ERCC2: variants seen among roughly 807,000 people sequenced by gnomAD.
ERCC2 encodes the protein general transcription and DNA repair factor IIH helicase subunit XPD.
Under a neutral mutation model 99.4 loss-of-function variants are expected in ERCC2, and 90 were observed. The ratio of observed to expected loss-of-function variants is 0.91; its 90% CI spans 0.76 to 1.08. The LOEUF is 1.08. ERCC2 is among the 50% of genes least tolerant of loss of function. The pLI is 0.00. For missense variants in ERCC2, 993 were observed against 1,038.1 expected (o/e 0.96, Z 0.60); for synonymous variants, 497 against 432.4 (o/e 1.15, Z -1.85).
rs934588717 is a variant in ERCC2, at chr19:45,349,873, G to C, written c.*1756C>G. On this transcript the variant is annotated 3_prime_UTR_variant, in exon 23 of 23. Transcript: ENST00000391945. ...GACATTTATTGAGCTCACTGTGGCC[G>C]GCTCCCCTCTTAGCCCGGTCCCCAC... is the stretch of plus-strand genomic sequence containing the variant. 2.0e-6 allele frequency: 1 copy of C among 490,128 alleles called. No homozygotes were observed. The highest frequency in any genetic ancestry group is 3.8e-5 in the Admixed American group (1 of 26,648). The allele number at this position is 490,128 out of a possible 1,614,324, so 30.4% of individuals were successfully genotyped here.
Position 45,349,933 on chromosome 19 carries a change from A to G in ERCC2, c.*1696T>C. On this transcript the variant is annotated 3_prime_UTR_variant, in exon 23 of 23. Coordinates refer to ENST00000391945, the MANE Select transcript of ERCC2 (RefSeq NM_000400.4). ...TCTTATAGCGTCCCTATGAGGTGGG[A>G]GCTGTCGCTCCACTTTGCGTGTGGG... 1 of 419,428 alleles carries G rather than the reference A, an allele frequency of 2.4e-6. No homozygotes were observed. Among genetic ancestry groups the G allele is most frequent in the East Asian group, 4.0e-5 (1 of 25,188 alleles). 26.0% of individuals were successfully genotyped at this position (419,428 alleles called of 1,614,324 possible).
intron 5 of ERCC2, among the ~76,000 whole-genome samples, chr19:45,366,121 C>A (rs1352165670): frequency 6.7e-6 from 1 of 148,976 alleles, no homozygotes; most frequent in Non-Finnish European, 1.5e-5. Context: ...ACAGGCTGAG[C>A]CACTGCGCCC....
intron 10 of ERCC2, 27 bp downstream of exon 10, chr19:45,363,959 G>GA (rs1555777979): frequency 3.4e-6 from 5 of 1,455,544 alleles, no homozygotes; most frequent in Admixed American, 2.3e-5. Flanking sequence ...GAAAGGGACT[G>GA]GGGGGCAGCG....
intron 12 of ERCC2, chr19:45,358,780 A>G (rs914155281): frequency 7.7e-6 from 6 of 774,688 alleles, no homozygotes; most frequent in East Asian, 7.3e-5. Context: ...GATAACTGTC[A>G]CTTTCTGGAA....
chr19:45,350,561 G>A lies in ERCC2; in HGVS notation c.*1068C>T. 6.2e-7 allele frequency: 1 copy of A among 1,613,948 alleles called. No individual in the cohort carries two copies. Among genetic ancestry groups the A allele is most frequent in the Non-Finnish European group, 8.5e-7 (1 of 1,179,980 alleles). ...TGGTGACGCAGAACAGGTGAGGATG[G>A]GCTGTGCTTCGGCTCCTGGGGTGGG... On this transcript the variant is annotated 3_prime_UTR_variant, in exon 23 of 23. Transcript: ENST00000391945.
intron 15 of ERCC2, 111 bp from the exon 16 acceptor site, chr19:45,355,839 GAGAC>G: frequency 1.2e-6 from 1 of 819,406 alleles, no homozygotes; most frequent in South Asian, 1.4e-5. Context: ...TTTTTAAAGA[GAGAC>G]AGGGTGTCAC....
intron 5 of ERCC2, among the ~76,000 whole-genome samples, chr19:45,368,016 C>T (rs911180103): frequency 5.9e-5 from 9 of 151,444 alleles, no homozygotes; most frequent in East Asian, 1.9e-4. Flanking sequence ...GCATTACCGA[C>T]GTGTACACCA....
intron 5 of ERCC2, among the ~76,000 whole-genome samples, chr19:45,365,412 C>T (rs959299455): frequency 2.6e-5 from 4 of 152,110 alleles, no homozygotes; most frequent in African/African-American, 7.2e-5. Context: ...GTCAGGAGTT[C>T]GAGACCAGCC....
At chr19:45,351,977 CCTCACCCCAACTTCT>C (rs1184349857) in intron 22 of ERCC2, among the ~76,000 whole-genome samples, 1 of 152,228 alleles carries the variant, frequency 6.6e-6, no homozygotes, top group Admixed American at 6.5e-5. Context: ...CCCAATGCCT[CCTCACCCCAACTTCT>C]CTCACCCTGC....
chr19:45,355,805 T>C, intron 15 of ERCC2, 77 bp from the exon 16 acceptor site: 3 of 1,052,814 alleles, frequency 2.8e-6, no homozygotes, highest in Non-Finnish European at 2.8e-6. Context: ...CTGCTGGTGC[T>C]GTTCTAAGCT....
chr19:45,357,232 C>T (rs1191859280), intron 15 of ERCC2, 38 bp downstream of exon 15: 8 of 1,505,296 alleles, frequency 5.3e-6, no homozygotes, highest in Non-Finnish European at 7.3e-6. Flanking sequence ...TTGCCCCCAT[C>T]TCCCCTCCCG....
At chr19:45,355,638 C>A in intron 16 of ERCC2, 27 bp downstream of exon 16, 1 of 1,609,260 alleles carries the variant, frequency 6.2e-7, no homozygotes, top group Non-Finnish European at 8.5e-7. Flanking sequence ...TTGGAACCCA[C>A]AGAAACCAGC....
rs79446543 is a variant in ERCC2 at position 45,365,183 on chromosome 19, C to A, written c.361-25G>T. ...CCTGGGGGTGTGGGGCATCTTAGCACCCAGACAGGGTGGAAACCCAACCAC... is the reference window on the plus strand; with the variant it reads ...CCTGGGGGTGTGGGGCATCTTAGCAACCAGACAGGGTGGAAACCCAACCAC... On this transcript the variant is annotated intron_variant, in intron 5 of 22. Transcript: ENST00000391945. 193 of 1,588,902 alleles carry A rather than the reference C, an allele frequency of 1.2e-4. No homozygotes were observed. In the African/African-American group the frequency reaches 2.2e-3, roughly 18 times the overall value.
At position 45,361,618 on chromosome 19, in the gene ERCC2, G is replaced by A; in HGVS notation, c.1143C>T (p.Ser381=). The A allele has an allele frequency of 6.2e-7, 1 of 1,613,884 alleles. No individual in the cohort carries two copies. Among genetic ancestry groups the A allele is most frequent in the Non-Finnish European group, 8.5e-7 (1 of 1,179,808 alleles). Residue 381 remains serine (S), a synonymous_variant, in exon 12 of 23, where the codon TCC becomes TCT. Coordinates refer to ENST00000391945, the MANE Select transcript of ERCC2 (RefSeq NM_000400.4). The stretch of plus-strand genomic sequence containing the variant: ...CGGTGATCTCCAGAGTATGCAGCAG[G>A]GACCGGAGGCGTTCAGCACAGAATC... ...PLRFCAERLR[S]LLHTLEITDL...
chr19:45,368,173 C>T (rs988985571), intron 5 of ERCC2, among the ~76,000 whole-genome samples: 2 of 152,168 alleles, frequency 1.3e-5, no homozygotes, highest in African/African-American at 2.4e-5. Context: ...TGCACCTGGC[C>T]TATCATGAGA....
chr19:45,351,729 G>A lies in ERCC2; in HGVS notation c.2191-8C>T. 1.2e-6 allele frequency: 2 copies of A among 1,613,484 alleles called. No homozygotes were observed. Among genetic ancestry groups the A allele is most frequent in the Non-Finnish European group, 8.5e-7 (1 of 1,179,798 alleles). On this transcript the variant is annotated splice_region_variant and splice_polypyrimidine_tract_variant and intron_variant, in intron 22 of 22. Transcript: ENST00000391945. ...CAGGCCCAGCTGATCCTCCTGCAGAGAACAGAGGAAAGGGAGAGGGGGGCA... is the reference window on the plus strand; with the variant it reads ...CAGGCCCAGCTGATCCTCCTGCAGAAAACAGAGGAAAGGGAGAGGGGGGCA...
intron 2 of ERCC2, among the ~76,000 whole-genome samples, 175 bp from the exon 3 acceptor site, chr19:45,369,322 G>A (rs1336930729): frequency 1.3e-5 from 2 of 152,112 alleles, no homozygotes; most frequent in Non-Finnish European, 2.9e-5. Context: ...CTTGTTGAGT[G>A]GTCTTAGGCA....
intron 22 of ERCC2, 84 bp from the exon 23 acceptor site, chr19:45,351,805 G>T (rs55811972): frequency 1.1e-5 from 13 of 1,158,382 alleles, no homozygotes; most frequent in Non-Finnish European, 1.5e-5. Flanking sequence ...CCACCCCCCC[G>T]AATGGCCAGT....
Position 45,350,890 on chromosome 19 carries a change from G to C in ERCC2, c.*739C>G. On this transcript the variant is annotated 3_prime_UTR_variant, in exon 23 of 23. Transcript: ENST00000391945. Reference sequence around the variant, plus strand: ...CACAGATCAAACCCTGTGCTGGAAAGGTCCCTCGTGGAGGGGGGCCACTCC... The same window carrying C: ...CACAGATCAAACCCTGTGCTGGAAACGTCCCTCGTGGAGGGGGGCCACTCC... The C allele has an allele frequency of 6.4e-7, 1 of 1,561,990 alleles. No homozygotes were observed. Among genetic ancestry groups the C allele is most frequent in the Non-Finnish European group, 8.8e-7 (1 of 1,137,734 alleles).
Sources: allele counts gnomAD v4.1 joint callset (sites outside exome capture counted in the v4.1 genomes callset), GRCh38; gene constraint gnomAD v4.1.1; transcripts MANE v1.5; gene names NCBI Gene and HGNC (gene_info 2026-07-23, HGNC 2026-07-21).